Variants in ZBTB7C observed in about 807,000 individuals in gnomAD.
ZBTB7C encodes zinc finger and BTB domain-containing protein 7C.
ZBTB7C carries 8 observed loss-of-function variants against 25.7 expected under a neutral mutation model. That is an observed-to-expected ratio of 0.31 (90% CI 0.18 to 0.56). The LOEUF is 0.56. Among genes scored for constraint, ZBTB7C ranks in the 20% least tolerant of loss-of-function variants. ZBTB7C has a pLI of 0.91. For missense variants in ZBTB7C, 824 were observed against 855.2 expected (o/e 0.96, Z 0.46); for synonymous variants, 394 against 369.0 (o/e 1.07, Z -0.78).
intron 3 of ZBTB7C, among the ~76,000 whole-genome samples, chr18:48,178,789 A>G (rs941634808): frequency 6.6e-6 from 1 of 152,110 alleles, no homozygotes; most frequent in Non-Finnish European, 1.5e-5. Flanking sequence ...CCTGCTTGTA[A>G]TGACAGAAAA....
At chr18:48,208,442 T>C (rs542402597) in intron 2 of ZBTB7C, among the ~76,000 whole-genome samples, 1 of 152,206 alleles carries the variant, frequency 6.6e-6, no homozygotes, top group African/African-American at 2.4e-5. Flanking sequence ...TTTTCCTTTT[T>C]AAAACCCCAG....
chr18:48,050,670 A>G (rs2036650164), intron 3 of ZBTB7C, among the ~76,000 whole-genome samples: 1 of 152,038 alleles, frequency 6.6e-6, no homozygotes, highest in South Asian at 2.1e-4. Flanking sequence ...CCTTGACAAG[A>G]CAAGCAAGGG....
At chr18:48,378,268 T>G (rs1178639893) in intron 1 of ZBTB7C, among the ~76,000 whole-genome samples, 1 of 152,194 alleles carries the variant, frequency 6.6e-6, no homozygotes, top group Non-Finnish European at 1.5e-5. Flanking sequence ...ATAGAGGCTT[T>G]CTGGACTGGG....
intron 2 of ZBTB7C, among the ~76,000 whole-genome samples, chr18:48,317,225 C>A (rs2045969237): frequency 7.2e-6 from 1 of 139,630 alleles, no homozygotes; most frequent in Non-Finnish European, 1.5e-5. Flanking sequence ...CCACTGCAAT[C>A]CAGCCTGGGC....
chr18:48,254,178 C>G (rs1403443915), intron 2 of ZBTB7C, among the ~76,000 whole-genome samples: 1 of 152,196 alleles, frequency 6.6e-6, no homozygotes. Context: ...TAAAGAGCAG[C>G]CTGTAAAATC....
chr18:48,118,346 A>G (rs2039515988), intron 3 of ZBTB7C, among the ~76,000 whole-genome samples: 1 of 152,194 alleles, frequency 6.6e-6, no homozygotes, highest in Non-Finnish European at 1.5e-5. Context: ...CATTTGCCAC[A>G]GGTAATCATG....
intron 1 of ZBTB7C, among the ~76,000 whole-genome samples, chr18:48,354,403 G>A (rs1215738149): frequency 6.6e-6 from 1 of 152,172 alleles, no homozygotes; most frequent in Non-Finnish European, 1.5e-5. Flanking sequence ...ATAGTCTCCT[G>A]TTGGAGTCTT....
intron 3 of ZBTB7C, among the ~76,000 whole-genome samples, chr18:48,139,706 C>T (rs1177398790): frequency 2.0e-5 from 3 of 151,998 alleles, no homozygotes; most frequent in Non-Finnish European, 4.4e-5. Context: ...CGCCCCACCA[C>T]CCCTCCAGCC....
At chr18:48,180,974 T>C (rs1304472477) in intron 3 of ZBTB7C, among the ~76,000 whole-genome samples, 1 of 152,002 alleles carries the variant, frequency 6.6e-6, no homozygotes, top group Admixed American at 6.5e-5. Context: ...CTGTGTGACC[T>C]TGGACAAGTT....
At chr18:48,257,302 T>C (rs181085178) in intron 2 of ZBTB7C, among the ~76,000 whole-genome samples, 28 of 152,174 alleles carry the variant, frequency 1.8e-4, no homozygotes, top group Admixed American at 1.3e-3. Context: ...GACATAACAA[T>C]TGGAAACTAC....
At chr18:48,086,420 CT>C (rs765394853) in intron 3 of ZBTB7C, among the ~76,000 whole-genome samples, 2 of 152,334 alleles carry the variant, frequency 1.3e-5, no homozygotes, top group Non-Finnish European at 2.9e-5. Context: ...GCCTGCATTT[CT>C]ACCTACTGCC....
intron 1 of ZBTB7C, among the ~76,000 whole-genome samples, chr18:48,360,077 G>A (rs1330926043): frequency 1.3e-5 from 2 of 152,220 alleles, no homozygotes; most frequent in East Asian, 1.9e-4. Context: ...AGGTCAGAAC[G>A]TGGCCAGTCT....
At chr18:48,383,282 G>A (rs2047673472) in intron 1 of ZBTB7C, among the ~76,000 whole-genome samples, 1 of 151,760 alleles carries the variant, frequency 6.6e-6, no homozygotes, top group Non-Finnish European at 1.5e-5. Flanking sequence ...ATTTATTTAA[G>A]GCAGGGTCTC....
chr18:48,219,069 T>C (rs2042891649), intron 2 of ZBTB7C, among the ~76,000 whole-genome samples: 1 of 152,122 alleles, frequency 6.6e-6, no homozygotes, highest in Non-Finnish European at 1.5e-5. Flanking sequence ...ACAAGCCCCT[T>C]CCCATCTATC....
At chr18:48,210,401 C>T (rs1457764629) in intron 2 of ZBTB7C, among the ~76,000 whole-genome samples, 1 of 152,254 alleles carries the variant, frequency 6.6e-6, no homozygotes. Context: ...AAAGTGGAAA[C>T]AAATGTCCAT....
At chr18:48,388,107 G>C (rs1274691416) in intron 1 of ZBTB7C, among the ~76,000 whole-genome samples, 1 of 152,106 alleles carries the variant, frequency 6.6e-6, no homozygotes, top group Non-Finnish European at 1.5e-5. Context: ...GATTACAGGC[G>C]TTAGCCACTG....
chr18:48,228,723 T>C (rs1385448777), intron 2 of ZBTB7C, among the ~76,000 whole-genome samples: 1 of 97,402 alleles, frequency 1.0e-5, no homozygotes, highest in Non-Finnish European at 2.3e-5. Context: ...AGGGAGTCTC[T>C]CTCTCTCTGT....
At chr18:48,228,718 GTCTC>G (rs1396293517) in intron 2 of ZBTB7C, among the ~76,000 whole-genome samples, 2 of 140,942 alleles carry the variant, frequency 1.4e-5, no homozygotes, top group South Asian at 2.4e-4. Flanking sequence ...CTCAGAGGGA[GTCTC>G]TCTCTCTCTG....
intron 3 of ZBTB7C, among the ~76,000 whole-genome samples, chr18:48,145,629 C>G (rs890323307): frequency 1.3e-5 from 2 of 152,168 alleles, no homozygotes; most frequent in African/African-American, 4.8e-5. Context: ...GGGGCAATGA[C>G]GAGAGCCAAT....
Sources: gnomAD v4.1 joint callset for allele counts (sites outside exome capture counted in the v4.1 genomes callset) on GRCh38, gnomAD v4.1.1 for gene constraint, MANE v1.5 for transcripts, NCBI Gene and HGNC (gene_info 2026-07-23, HGNC 2026-07-21) for gene names.